Variants in PLCB1 observed in about 807,000 individuals in gnomAD.
PLCB1 encodes the protein 1-phosphatidylinositol 4,5-bisphosphate phosphodiesterase beta-1.
A neutral mutation model predicts 161.8 loss-of-function variants in PLCB1; 46 were observed. That is an observed-to-expected ratio of 0.28 (90% CI 0.22 to 0.36). PLCB1 has a LOEUF of 0.36. PLCB1 is among the 10% of genes least tolerant of loss of function. The pLI is 1.00. For synonymous variants in PLCB1, 517 were observed against 503.7 expected (o/e 1.03, Z -0.35); for missense variants, 1,016 against 1,472.5 (o/e 0.69, Z 5.07).
intron 3 of PLCB1, among the ~76,000 whole-genome samples, chr20:8,471,723 G>T (rs1399299933): frequency 6.6e-6 from 1 of 152,118 alleles, no homozygotes; most frequent in African/African-American, 2.4e-5. Flanking sequence ...GTATTTCAAA[G>T]AGCTCTAAAT....
At chr20:8,348,950 C>T (rs1462896943) in intron 2 of PLCB1, among the ~76,000 whole-genome samples, 1 of 151,782 alleles carries the variant, frequency 6.6e-6, no homozygotes, top group Admixed American at 6.6e-5. Flanking sequence ...CTTTCTTCAA[C>T]ATGAAGAAAC....
At chr20:8,746,572 C>G (rs918378543) in intron 23 of PLCB1, among the ~76,000 whole-genome samples, 1 of 152,024 alleles carries the variant, frequency 6.6e-6, no homozygotes, top group Non-Finnish European at 1.5e-5. Context: ...TCTTCAACTC[C>G]CAGCTCAAGC....
intron 3 of PLCB1, among the ~76,000 whole-genome samples, chr20:8,502,867 T>C: frequency 6.6e-6 from 1 of 152,202 alleles, no homozygotes; most frequent in East Asian, 1.9e-4. Flanking sequence ...TCCTGTGTCT[T>C]GTGCTTTCTC....
At position 8,790,285 on chromosome 20, in the gene PLCB1, A is replaced by C. The variant is rs2294598; in HGVS notation, c.3423+24A>C. ...AGGTAAACGGAACTGAATTAAAATG[A>C]ACAATTATTTTATTTGATTTCCATT... is the stretch of plus-strand genomic sequence containing the variant. On this transcript the variant is annotated intron_variant, in intron 31 of 31. Coordinates refer to ENST00000338037, the MANE Select transcript of PLCB1 (RefSeq NM_015192.4). 0.29 allele frequency: 454,302 copies of C among 1,546,396 alleles called. 69,121 individuals are homozygous for C. Among genetic ancestry groups the C allele is most frequent in the South Asian group, 0.34 (29,700 of 87,168 alleles).
intron 3 of PLCB1, 50 bp downstream of exon 3, chr20:8,371,500 G>A (rs1480398994): frequency 7.7e-7 from 1 of 1,303,804 alleles, no homozygotes; most frequent in East Asian, 2.3e-5. Context: ...TGATTGTTTG[G>A]CTGTGTCACA....
chr20:8,780,777 G>A (rs1983178771), intron 27 of PLCB1, among the ~76,000 whole-genome samples: 1 of 152,080 alleles, frequency 6.6e-6, no homozygotes, highest in Non-Finnish European at 1.5e-5. Flanking sequence ...CCTCATTTCA[G>A]GCCACTGCTC....
intron 2 of PLCB1, among the ~76,000 whole-genome samples, chr20:8,152,238 G>C (rs1336077574): frequency 6.6e-6 from 1 of 151,896 alleles, no homozygotes; most frequent in African/African-American, 2.4e-5. Flanking sequence ...TCAGAATTTG[G>C]AGGCTCATTT....
At chr20:8,192,539 A>G (rs2051981198) in intron 2 of PLCB1, among the ~76,000 whole-genome samples, 1 of 151,464 alleles carries the variant, frequency 6.6e-6, no homozygotes, top group African/African-American at 2.4e-5. Context: ...ATGCAACATC[A>G]TCTGCAACCT....
chr20:8,334,617 A>C (rs1458861526), intron 2 of PLCB1, among the ~76,000 whole-genome samples: 1 of 152,144 alleles, frequency 6.6e-6, no homozygotes, highest in Non-Finnish European at 1.5e-5. Context: ...AAAATAAAAC[A>C]CTCAAGTTAA....
At chr20:8,446,723 T>G (rs543619834) in intron 3 of PLCB1, among the ~76,000 whole-genome samples, 3 of 152,274 alleles carry the variant, frequency 2.0e-5, no homozygotes, top group Non-Finnish European at 4.4e-5. Flanking sequence ...AAAATCAAGG[T>G]GAGTATTAAA....
rs1001073889 is a variant in PLCB1, at chr20:8,835,754, A to T, written c.3423+45493A>T. ...TTTCATGATTCCCACCTCAGAGGGCACAGGAAATGGTCCAAAGCAGACGAC... is the reference window on the plus strand; with the variant it reads ...TTTCATGATTCCCACCTCAGAGGGCTCAGGAAATGGTCCAAAGCAGACGAC... On this transcript the variant is annotated intron_variant, in intron 31 of 31. Transcript: ENST00000338037. 3.9e-5 allele frequency among the ~76,000 whole-genome samples: 6 copies of T among 151,900 alleles called. No individual in the cohort carries two copies. The South Asian group carries it at 1.2e-3, about 32-fold the overall frequency.
At chr20:8,649,318 G>A (rs1422506849) in intron 6 of PLCB1, 56 bp from the exon 7 acceptor site, 1 of 1,074,448 alleles carries the variant, frequency 9.3e-7, no homozygotes, top group Middle Eastern at 2.0e-4. Flanking sequence ...TCATCTGTTA[G>A]TGCTGTGATC....
chr20:8,321,185 C>T (rs1214939697), intron 2 of PLCB1, among the ~76,000 whole-genome samples: 2 of 152,144 alleles, frequency 1.3e-5, no homozygotes, highest in Non-Finnish European at 2.9e-5. Context: ...AGACAGCGTG[C>T]AATACTCACA....
chr20:8,464,346 C>T (rs997948498), intron 3 of PLCB1, among the ~76,000 whole-genome samples: 2 of 152,116 alleles, frequency 1.3e-5, no homozygotes, highest in African/African-American at 2.4e-5. Context: ...CATTTATAGC[C>T]CATTGCTACT....
intron 1 of PLCB1, among the ~76,000 whole-genome samples, chr20:8,142,653 A>G (rs6118086): frequency 0.23 from 35,391 of 152,158 alleles, 4,402 homozygotes; most frequent in East Asian, 0.35. Context: ...GAAATTCAGA[A>G]GCGTTGGGAG....
intron 1 of PLCB1, among the ~76,000 whole-genome samples, chr20:8,136,937 T>C (rs527494251): frequency 4.6e-5 from 7 of 152,298 alleles, no homozygotes; most frequent in African/African-American, 1.7e-4. Flanking sequence ...ATATAAAATA[T>C]ATTTATGTAT....
At chr20:8,378,442 C>G (rs985026024) in intron 3 of PLCB1, among the ~76,000 whole-genome samples, 11 of 152,140 alleles carry the variant, frequency 7.2e-5, no homozygotes, top group Admixed American at 6.5e-4. Flanking sequence ...ATTACATGTA[C>G]AATAGCTTTA....
chr20:8,520,153 T>G (rs774848642), intron 3 of PLCB1, among the ~76,000 whole-genome samples: 19 of 152,206 alleles, frequency 1.2e-4, no homozygotes, highest in Non-Finnish European at 2.5e-4. Flanking sequence ...AAACTGTTAG[T>G]GGTTCTTCCT....
chr20:8,779,161 CA>C lies in PLCB1; in HGVS notation c.3111+4445del, dbSNP rs1983081971. Among the ~76,000 whole-genome samples, 5 of 152,254 alleles carry C rather than the reference CA, an allele frequency of 3.3e-5. No homozygotes were observed. The South Asian group carries it at 1.0e-3, about 32-fold the overall frequency. On this transcript the variant is annotated intron_variant, in intron 27 of 31. Coordinates refer to ENST00000338037, the MANE Select transcript of PLCB1 (RefSeq NM_015192.4). Reference sequence around the variant, plus strand: ...TGCTTTGGTTAAGGATTATGCATTTCAAATGCCACATCCACAGTTCGAGAGT... The same window carrying C: ...TGCTTTGGTTAAGGATTATGCATTTCAATGCCACATCCACAGTTCGAGAGT...
Sources: gnomAD v4.1 joint callset for allele counts (sites outside exome capture counted in the v4.1 genomes callset) on GRCh38, gnomAD v4.1.1 for gene constraint, MANE v1.5 for transcripts, NCBI Gene and HGNC (gene_info 2026-07-23, HGNC 2026-07-21) for gene names.